MZT2B: variants seen among roughly 807,000 people sequenced by gnomAD.
MZT2B encodes the protein mitotic-spindle organizing protein 2B.
Under a neutral mutation model 12.1 loss-of-function variants are expected in MZT2B, and 11 were observed. The observed-to-expected ratio is 0.91, with a 90% CI of 0.57 to 1.50. MZT2B has a LOEUF of 1.50. MZT2B is among the 40% of genes most tolerant of loss of function. The pLI is 0.00. For missense variants in MZT2B, 209 were observed against 227.7 expected, an observed-to-expected ratio of 0.92 and a Z score of 0.53; for synonymous variants, 85 against 109.5, an observed-to-expected ratio of 0.78 and a Z score of 1.40.
At position 130,190,574 on chromosome 2, in the gene MZT2B, G is replaced by A. The variant is rs989048936; in HGVS notation, c.425G>A (p.Arg142Lys). The A allele has an allele frequency of 6.8e-6, 11 of 1,613,580 alleles. 2 individuals are homozygous for A. The highest frequency in any genetic ancestry group is 1.7e-5 in the Admixed American group (1 of 60,010). Reference sequence around the variant, plus strand: ...ATGCCACGCCAGCCCAGCGCTACCAGGCTGCCCAAGGGGGGCGGGCCTGGG... The same window carrying A: ...ATGCCACGCCAGCCCAGCGCTACCAAGCTGCCCAAGGGGGGCGGGCCTGGG... ...QRMPRQPSAT[R>K]LPKGGGPGKS... The change falls in exon 3 of 3, where the codon AGG becomes AAG. Residue 142 changes from arginine (R) to lysine (K), a missense_variant. Transcript: ENST00000281871.
the MZT2B span, among the ~76,000 whole-genome samples, chr2:130,203,369 T>C: frequency 6.6e-6 from 1 of 152,160 alleles, no homozygotes; most frequent in African/African-American, 2.4e-5. Context: ...TTCCTCCCCA[T>C]GTGGGAGCCG....
At chr2:130,183,214 A>T in intron 2 of MZT2B, 2 of 273,316 alleles carry the variant, frequency 7.3e-6, no homozygotes, top group South Asian at 8.6e-5. Context: ...TTTTCAAAAG[A>T]CAGTCTCGAT....
chr2:130,192,032 A>G, downstream of MZT2B: 1 of 1,614,092 alleles, frequency 6.2e-7, no homozygotes, highest in East Asian at 2.2e-5. Flanking sequence ...AGGCCTCCGC[A>G]ATGGCCGTGG....
intron 2 of MZT2B, among the ~76,000 whole-genome samples, chr2:130,189,849 A>G (rs2443641): frequency 1.6e-4 from 25 of 152,266 alleles, no homozygotes; most frequent in Middle Eastern, 3.4e-3. Context: ...AGTCTCAAGC[A>G]TTCAGACTGT....
downstream of MZT2B, chr2:130,193,782 A>T: frequency 6.3e-7 from 1 of 1,599,218 alleles, no homozygotes; most frequent in Non-Finnish European, 8.5e-7. Flanking sequence ...TCACCCAGTC[A>T]TACCTTAAAT....
chr2:130,192,383 T>C (rs1016094058), downstream of MZT2B, among the ~76,000 whole-genome samples: 2 of 151,048 alleles, frequency 1.3e-5, no homozygotes, highest in East Asian at 3.9e-4. Flanking sequence ...ACCTGTGACA[T>C]GTGATAGGTG....
rs752274155 is a variant in MZT2B at position 130,190,530 on chromosome 2, C to T, written c.381C>T (p.Arg127=). Residue 127 remains arginine (R), a synonymous_variant, in exon 3 of 3, where the codon CGC becomes CGT. Transcript: ENST00000281871. The part of the protein sequence containing the change: ...GALALAERSS[R]EGSSQRMPRQ... ...TGGCCCTGGCGGAACGCAGCAGCCG[C>T]GAAGGATCCAGCCAGAGGATGCCAC... The T allele has an allele frequency of 4.3e-6, 7 of 1,613,726 alleles. No homozygotes were observed. Among genetic ancestry groups the T allele is most frequent in the South Asian group, 2.2e-5 (2 of 91,080 alleles).
chr2:130,197,547 A>G, the MZT2B span, among the ~76,000 whole-genome samples: 1 of 125,768 alleles, frequency 8.0e-6, no homozygotes, highest in Non-Finnish European at 1.8e-5. Flanking sequence ...GAAAAAAAGG[A>G]TAACTGACAA....
upstream of MZT2B, chr2:130,181,863 T>TC (rs1689683797): frequency 2.8e-6 from 4 of 1,438,604 alleles, no homozygotes; most frequent in Non-Finnish European, 2.8e-6. Flanking sequence ...GCCCCCCCCT[T>TC]CCCCCCGCCC....
downstream of MZT2B, chr2:130,192,247 A>C (rs1347026042): frequency 7.5e-7 from 1 of 1,341,970 alleles, no homozygotes; most frequent in Non-Finnish European, 1.0e-6. Context: ...AGTTCACCTC[A>C]CAAACGTCAC....
intron 2 of MZT2B, chr2:130,188,283 G>A (rs1207384530): frequency 7.8e-5 from 13 of 166,186 alleles, no homozygotes; most frequent in Admixed American, 2.6e-4. Flanking sequence ...ATTAGGCTGC[G>A]GCTACAGAAG....
downstream of MZT2B, chr2:130,195,118 C>T: frequency 6.2e-7 from 1 of 1,612,240 alleles, no homozygotes; most frequent in Non-Finnish European, 8.5e-7. Flanking sequence ...CAACAATCTC[C>T]TTGCCGATGG....
At chr2:130,183,119 T>C in intron 2 of MZT2B, 1 of 435,032 alleles carries the variant, frequency 2.3e-6, no homozygotes, top group South Asian at 2.8e-5. Context: ...CCTATAATCT[T>C]TGGGACCCCA....
chr2:130,195,135 G>T (rs1439818699), downstream of MZT2B: 7 of 1,613,516 alleles, frequency 4.3e-6, no homozygotes, highest in Non-Finnish European at 5.9e-6. Context: ...ATGGTGTAAT[G>T]GCCCCTGGCG....
At chr2:130,181,731 G>C, upstream of MZT2B, 1 of 1,548,836 alleles carries the variant, frequency 6.5e-7, no homozygotes, top group South Asian at 1.2e-5. Flanking sequence ...GGCGAGGCAG[G>C]AGTGCGGGGG....
downstream of MZT2B, chr2:130,194,439 A>C: frequency 6.3e-7 from 1 of 1,592,754 alleles, no homozygotes; most frequent in Non-Finnish European, 8.5e-7. Flanking sequence ...AAGATGAGGA[A>C]GCCCTGCAGT....
At chr2:130,183,816 AG>A (rs1261390321) in intron 2 of MZT2B, 1 of 1,550,530 alleles carries the variant, frequency 6.4e-7, no homozygotes. Flanking sequence ...CAGGAACAGT[AG>A]CCCCCCTGCA....
chr2:130,187,582 C>G (rs958213431), intron 2 of MZT2B, among the ~76,000 whole-genome samples: 5 of 152,110 alleles, frequency 3.3e-5, no homozygotes, highest in African/African-American at 1.2e-4. Flanking sequence ...TCAGTCACCC[C>G]GCCCTCACAC....
chr2:130,184,148 C>A, intron 2 of MZT2B: 1 of 1,487,632 alleles, frequency 6.7e-7, no homozygotes, highest in Admixed American at 2.2e-5. Flanking sequence ...CATAGTGTGG[C>A]AGTCTCTAGA....
Sources: gnomAD v4.1 joint callset for allele counts (sites outside exome capture counted in the v4.1 genomes callset) on GRCh38, gnomAD v4.1.1 for gene constraint, MANE v1.5 for transcripts, NCBI Gene and HGNC (gene_info 2026-07-23, HGNC 2026-07-21) for gene names.